ALPK2: variants seen among roughly 807,000 people sequenced by gnomAD.
The protein encoded by ALPK2 is alpha kinase 2.
Under a neutral mutation model 163.1 loss-of-function variants are expected in ALPK2, and 127 were observed. That is an observed-to-expected ratio of 0.78 (90% CI 0.67 to 0.90). ALPK2 has a LOEUF of 0.90. Ranked by LOEUF, ALPK2 falls within the 40% of genes least tolerant of loss-of-function variation. The pLI is 0.00. For missense variants in ALPK2, 2,360 were observed against 2,589.6 expected (o/e 0.91, Z 1.92); for synonymous variants, 953 against 959.1 (o/e 0.99, Z 0.12).
chr18:58,625,870 G>C (rs2052227235), intron 1 of ALPK2, among the ~76,000 whole-genome samples: 1 of 152,230 alleles, frequency 6.6e-6, no homozygotes, highest in Non-Finnish European at 1.5e-5. Flanking sequence ...GAAGTCTCCT[G>C]ATCAGTTTTG....
At chr18:58,587,897 G>A (rs990375427) in intron 3 of ALPK2, among the ~76,000 whole-genome samples, 6 of 152,140 alleles carry the variant, frequency 3.9e-5, no homozygotes, top group Non-Finnish European at 8.8e-5. Context: ...TTTATCACTG[G>A]CAACAAATAC....
At chr18:58,581,398 C>T (rs1431488703) in intron 3 of ALPK2, among the ~76,000 whole-genome samples, 1 of 152,192 alleles carries the variant, frequency 6.6e-6, no homozygotes, top group African/African-American at 2.4e-5. Context: ...AACCACAGCC[C>T]GTGAGCTCCA....
rs2051637454 is a variant in ALPK2, at chr18:58,535,204, C to G, written c.4983G>C (p.Glu1661Asp). ...KTLAFISGER[E>D]LEKAPKLLQD... is the part of the protein sequence containing the mutation. ...GCAGTAATTTAGGGGCTTTCTCTAACTCACGTTCTCCTGAAATAAATGCCA... is the reference window on the plus strand; with the variant it reads ...GCAGTAATTTAGGGGCTTTCTCTAAGTCACGTTCTCCTGAAATAAATGCCA... The change falls in exon 5 of 13, where the codon GAG becomes GAC. Residue 1661 changes from glutamate (E) to aspartate (D), a missense_variant. By Grantham distance (45) the Glu-to-Asp change is conservative (BLOSUM62 2). Transcript: ENST00000361673. 1.2e-6 allele frequency: 2 copies of G among 1,613,962 alleles called. No individual in the cohort carries two copies. Among genetic ancestry groups the G allele is most frequent in the Non-Finnish European group, 1.7e-6 (2 of 1,180,020 alleles).
intron 1 of ALPK2, among the ~76,000 whole-genome samples, chr18:58,621,504 A>C (rs1424233856): frequency 2.0e-5 from 3 of 152,060 alleles, no homozygotes; most frequent in African/African-American, 2.4e-5. Context: ...ATCTCCTGAC[A>C]TCGTGATCCG....
At chr18:58,498,243 A>G (rs2051411352) in intron 11 of ALPK2, 146 bp from the exon 12 acceptor site, 5 of 707,904 alleles carry the variant, frequency 7.1e-6, no homozygotes, top group Non-Finnish European at 7.5e-6. Flanking sequence ...TCATATACGC[A>G]TCCAGCTTTA....
chr18:58,578,750 A>ACGCGCGCGCGCG, intron 4 of ALPK2, 64 bp downstream of exon 4: 2 of 1,261,160 alleles, frequency 1.6e-6, no homozygotes, highest in Non-Finnish European at 1.1e-6. Context: ...ACACACACAC[A>ACGCGCGCGCGCG]CACACACACA....
In ALPK2 at chr18:58,579,750, T is replaced by C. The variant is rs1162592224; in HGVS notation, c.1026A>G (p.Ala342=). Residue 342 remains alanine, a synonymous_variant, in exon 4 of 13, where the codon GCA becomes GCG. Coordinates refer to ENST00000361673, the MANE Select transcript of ALPK2 (RefSeq NM_052947.4). The part of the protein sequence containing the change: ...CSDVMTDYSN[A]VWQRNLLGTE... ...TCCCCAGCAGGTTCCTTTGCCAAACTGCATTAGAGTAATCCGTCATAACAT... is the reference window on the plus strand; with the variant it reads ...TCCCCAGCAGGTTCCTTTGCCAAACCGCATTAGAGTAATCCGTCATAACAT... The C allele has an allele frequency of 6.2e-7, 1 of 1,614,206 alleles. No individual in the cohort carries two copies. Among genetic ancestry groups the C allele is most frequent in the Admixed American group, 1.7e-5 (1 of 60,034 alleles).
In ALPK2 at chr18:58,537,269, G is replaced by C; in HGVS notation, c.2918C>G (p.Ala973Gly). 1.2e-6 allele frequency: 2 copies of C among 1,614,188 alleles called. No homozygotes were observed. The highest frequency in any genetic ancestry group is 1.7e-6 in the Non-Finnish European group (2 of 1,180,020). The change falls in exon 5 of 13, where the codon GCC (alanine) becomes GGC (glycine). Residue 973 changes from alanine (A) to glycine (G), a missense_variant. Transcript: ENST00000361673. Reference sequence around the variant, plus strand: ...AATTGAACTATAACTGGCTGGTGTGGCTGTGGTGTCTGCGGCACTAGGACT... The same window carrying C: ...AATTGAACTATAACTGGCTGGTGTGCCTGTGGTGTCTGCGGCACTAGGACT... ...SPSPSAADTT[A>G]TPASYSSIVS... is the part of the protein sequence containing the mutation.
Position 58,579,400 on chromosome 18 carries a change from T to C in ALPK2, c.1376A>G (p.Glu459Gly), listed in dbSNP as rs574637762. ...TCCTTGAATTCCTGGATAATCATTT[T>C]CAGCAGCCTCGGGAGCAGTGGGGAG... ...YKLPTAPEAAENDYPGIQGET... is the reference protein window; with the variant it reads ...YKLPTAPEAAGNDYPGIQGET... Residue 459 changes from glutamate to glycine, a missense_variant, in exon 4 of 13, where the codon GAA becomes GGA. Coordinates refer to ENST00000361673, the MANE Select transcript of ALPK2 (RefSeq NM_052947.4). 1 of 1,614,208 alleles carries C rather than the reference T, an allele frequency of 6.2e-7. No homozygotes were observed. Among genetic ancestry groups the C allele is most frequent in the South Asian group, 1.1e-5 (1 of 91,080 alleles).
In ALPK2 at chr18:58,498,032, C is replaced by T; in HGVS notation, c.6296+17G>A. On this transcript the variant is annotated intron_variant, in intron 12 of 12. Coordinates refer to ENST00000361673, the MANE Select transcript of ALPK2 (RefSeq NM_052947.4). ...GCCCAGTGTTAATTGATGCACACTCCATTTTTTCCTACTCACCCTTTAGCC... is the reference window on the plus strand; with the variant it reads ...GCCCAGTGTTAATTGATGCACACTCTATTTTTTCCTACTCACCCTTTAGCC... 1 of 1,613,504 alleles carries T rather than the reference C, an allele frequency of 6.2e-7. No individual in the cohort carries two copies. The highest frequency in any genetic ancestry group is 1.1e-5 in the South Asian group (1 of 91,030).
chr18:58,578,736 A>ACACACACGCGCACGCGCGCG (rs773192836), intron 4 of ALPK2, 78 bp downstream of exon 4: 2 of 760,806 alleles, frequency 2.6e-6, no homozygotes, highest in Middle Eastern at 3.9e-4. Flanking sequence ...AGGAAGAGAC[A>ACACACACGCGCACGCGCGCG]CACACACACA....
chr18:58,555,750 ACT>A (rs1036614720), intron 4 of ALPK2, among the ~76,000 whole-genome samples: 1 of 152,156 alleles, frequency 6.6e-6, no homozygotes, highest in Admixed American at 6.5e-5. Flanking sequence ...CATGGTGAAC[ACT>A]GTCTCATCCC....
Position 58,481,797 on chromosome 18 carries a change from A to C in ALPK2, c.*26T>G, listed in dbSNP as rs202130652. 1.6e-4 allele frequency: 247 copies of C among 1,571,922 alleles called. No individual in the cohort carries two copies. The African/African-American group carries it at 2.9e-3, about 19-fold the overall frequency. ...CTGGCGAGATTGTGTGCTGCTAGCC[A>C]GTGGCCATTAGGTTACCCAGGGACG... is the stretch of plus-strand genomic sequence containing the variant. On this transcript the variant is annotated 3_prime_UTR_variant, in exon 13 of 13. Transcript: ENST00000361673.
intron 6 of ALPK2, among the ~76,000 whole-genome samples, chr18:58,527,701 A>G (rs2144137121): frequency 6.6e-6 from 1 of 152,336 alleles, no homozygotes; most frequent in Admixed American, 6.5e-5. Flanking sequence ...AACCTCCTTG[A>G]CTTAAAAAGC....
intron 3 of ALPK2, among the ~76,000 whole-genome samples, chr18:58,601,645 A>C (rs2052070373): frequency 6.6e-6 from 1 of 152,148 alleles, no homozygotes; most frequent in Non-Finnish European, 1.5e-5. Flanking sequence ...CATGTGGAGG[A>C]GAGCAAGGCG....
intron 4 of ALPK2, among the ~76,000 whole-genome samples, chr18:58,564,105 G>T (rs1032011884): frequency 8.1e-6 from 1 of 123,540 alleles, no homozygotes; most frequent in Non-Finnish European, 1.7e-5. Flanking sequence ...CATGAATTGC[G>T]TATTTGATGT....
chr18:58,579,580 C>A lies in ALPK2; in HGVS notation c.1196G>T (p.Gly399Val), dbSNP rs576269587. The change falls in exon 4 of 13, where the codon GGC becomes GTC. Residue 399 changes from glycine to valine, a missense_variant. Transcript: ENST00000361673. ...GGGTTGTGAGTGATGACCACAGAAG[C>A]CAGCAGTGGCAACCATAGGCCCAGC... Reference protein sequence around the residue: ...GDAGPMVATAGFCGHHSQPQE... With the variant: ...GDAGPMVATAVFCGHHSQPQE... The A allele has an allele frequency of 6.2e-7, 1 of 1,613,646 alleles. No homozygotes were observed. The highest frequency in any genetic ancestry group is 1.7e-5 in the Admixed American group (1 of 59,998).
rs1602206465 is a variant in ALPK2, at chr18:58,536,388, T to C, written c.3799A>G (p.Ile1267Val). ...SESKASDGGL[I>V]IPDKVWAVPD... ...ACAGCCCAGACCTTGTCAGGAATTATGAGACCACCGTCTGATGCCTTGCTC... is the reference window on the plus strand; with the variant it reads ...ACAGCCCAGACCTTGTCAGGAATTACGAGACCACCGTCTGATGCCTTGCTC... Residue 1267 changes from isoleucine (I) to valine (V), a missense_variant, in exon 5 of 13, where the codon ATA becomes GTA. Ile to Val is a conservative substitution (Grantham distance 29, BLOSUM62 3). Coordinates refer to ENST00000361673, the MANE Select transcript of ALPK2 (RefSeq NM_052947.4). 6.2e-7 allele frequency: 1 copy of C among 1,614,194 alleles called. No homozygotes were observed. The highest frequency in any genetic ancestry group is 8.5e-7 in the Non-Finnish European group (1 of 1,180,018).
chr18:58,557,069 A>C (rs1047693359), intron 4 of ALPK2: 5 of 152,340 alleles, frequency 3.3e-5, no homozygotes, highest in Non-Finnish European at 5.9e-5. Context: ...TTGTTTTTAA[A>C]GTGATACAAG....
Sources: gnomAD v4.1 joint callset for allele counts (sites outside exome capture counted in the v4.1 genomes callset) on GRCh38, gnomAD v4.1.1 for gene constraint, MANE v1.5 for transcripts, NCBI Gene and HGNC (gene_info 2026-07-23, HGNC 2026-07-21) for gene names.